Variants in RIMS2 observed in about 807,000 individuals in gnomAD.
RIMS2 encodes the protein regulating synaptic membrane exocytosis protein 2.
Under a neutral mutation model 174.4 loss-of-function variants are expected in RIMS2, and 59 were observed. That is an observed-to-expected ratio of 0.34 (90% CI 0.27 to 0.42). RIMS2 has a LOEUF of 0.42. RIMS2 is among the 10% of genes least tolerant of loss of function. RIMS2 has a pLI of 1.00. For synonymous variants in RIMS2, 606 were observed against 572.5 expected, an observed-to-expected ratio of 1.06 and a Z score of -0.84; for missense variants, 1,620 against 1,666.3, an observed-to-expected ratio of 0.97 and a Z score of 0.48.
At chr8:104,018,257 AG>A in intron 19 of RIMS2, among the ~76,000 whole-genome samples, 1 of 152,306 alleles carries the variant, frequency 6.6e-6, no homozygotes, top group Middle Eastern at 3.4e-3. Flanking sequence ...GAAGAAAAGC[AG>A]GGAGAAGAGG....
At chr8:103,986,338 T>G (rs1420321139) in intron 16 of RIMS2, among the ~76,000 whole-genome samples, 1 of 151,740 alleles carries the variant, frequency 6.6e-6, no homozygotes, top group East Asian at 1.9e-4. Flanking sequence ...TAGGGAAAAA[T>G]CAGTGAAACT....
intron 19 of RIMS2, among the ~76,000 whole-genome samples, chr8:104,051,398 AT>A (rs1193807122): frequency 1.3e-5 from 2 of 152,184 alleles, no homozygotes; most frequent in African/African-American, 2.4e-5. Context: ...TGGGAAGAAC[AT>A]AGTTATAGAT....
intron 19 of RIMS2, among the ~76,000 whole-genome samples, chr8:104,156,035 TTAAAAC>T (rs1483865924): frequency 6.6e-6 from 1 of 152,184 alleles, no homozygotes; most frequent in African/African-American, 2.4e-5. Context: ...TATGACATAA[TTAAAAC>T]TAACTATGAG....
chr8:103,554,019 C>T (rs1331308029), intron 1 of RIMS2, among the ~76,000 whole-genome samples: 2 of 152,054 alleles, frequency 1.3e-5, no homozygotes, highest in African/African-American at 4.8e-5. Flanking sequence ...GAAGCTGGAC[C>T]CCTTCCTTAT....
intron 1 of RIMS2, among the ~76,000 whole-genome samples, chr8:103,601,725 G>A (rs920724777): frequency 6.6e-6 from 1 of 151,552 alleles, no homozygotes; most frequent in Non-Finnish European, 1.5e-5. Context: ...TGTTTAGGGG[G>A]TCTTCTCTTT....
intron 12 of RIMS2, among the ~76,000 whole-genome samples, chr8:103,934,631 T>C (rs2080801198): frequency 6.6e-6 from 1 of 152,180 alleles, no homozygotes; most frequent in Non-Finnish European, 1.5e-5. Flanking sequence ...TGAGAACTTT[T>C]TTCTGTCCTT....
chr8:103,863,644 C>T (rs1196650725), intron 3 of RIMS2, among the ~76,000 whole-genome samples: 1 of 151,078 alleles, frequency 6.6e-6, no homozygotes, highest in Non-Finnish European at 1.5e-5. Flanking sequence ...CTGGTCTGTT[C>T]AGGATTTAAT....
intron 13 of RIMS2, among the ~76,000 whole-genome samples, chr8:103,941,524 G>A (rs2082536681): frequency 1.3e-5 from 2 of 152,014 alleles, no homozygotes; most frequent in Admixed American, 1.3e-4. Context: ...TAACTTGGCT[G>A]TATTGCTTCT....
chr8:103,583,696 A>G (rs976784638), intron 1 of RIMS2, among the ~76,000 whole-genome samples: 2 of 149,728 alleles, frequency 1.3e-5, no homozygotes, highest in African/African-American at 4.8e-5. Flanking sequence ...AAGACAGGCT[A>G]TTTGAAAATA....
At chr8:103,586,284 T>C (rs1370470136) in intron 1 of RIMS2, among the ~76,000 whole-genome samples, 4 of 152,222 alleles carry the variant, frequency 2.6e-5, no homozygotes, top group African/African-American at 9.6e-5. Flanking sequence ...ATCCAATAGC[T>C]GCAGAATACA....
At chr8:103,687,363 G>A (rs1245611586) in intron 1 of RIMS2, among the ~76,000 whole-genome samples, 1 of 143,660 alleles carries the variant, frequency 7.0e-6, no homozygotes, top group Admixed American at 6.8e-5. Context: ...ATCAATTTTA[G>A]TGATTTTTTT....
intron 15 of RIMS2, among the ~76,000 whole-genome samples, chr8:103,970,666 C>A (rs1267853798): frequency 6.6e-6 from 1 of 152,140 alleles, no homozygotes; most frequent in Non-Finnish European, 1.5e-5. Context: ...ACTGCTTTCC[C>A]CTCATAAGTA....
chr8:103,852,057 A>G (rs943594347), intron 3 of RIMS2, among the ~76,000 whole-genome samples: 3 of 152,018 alleles, frequency 2.0e-5, no homozygotes, highest in Admixed American at 6.6e-5. Context: ...AAGACGGGAT[A>G]GACACTAATG....
rs117941717 is a variant in RIMS2 at position 104,018,147 on chromosome 8, A to G, written c.3334+3532A>G. On this transcript the variant is annotated intron_variant, in intron 19 of 23. Coordinates refer to ENST00000504942, the Ensembl canonical transcript of RIMS2. ...TTTGTTATTTGTTTAGTTTCATTGA[A>G]GAGTAACAGATATACCTATTTGGTC... is the stretch of plus-strand genomic sequence containing the variant. 4.3e-3 allele frequency among the ~76,000 whole-genome samples: 662 copies of G among 152,344 alleles called. 3 individuals are homozygous for G. The highest frequency in any genetic ancestry group is 0.01 in the Middle Eastern group (3 of 294).
At chr8:103,544,711 C>T (rs1198208807) in intron 1 of RIMS2, among the ~76,000 whole-genome samples, 1 of 152,168 alleles carries the variant, frequency 6.6e-6, no homozygotes, top group African/African-American at 2.4e-5. Context: ...GTGGCCCCTG[C>T]CTGAGGGAGC....
intron 19 of RIMS2, among the ~76,000 whole-genome samples, chr8:104,191,805 A>G (rs1311053741): frequency 6.6e-6 from 1 of 152,194 alleles, no homozygotes; most frequent in Non-Finnish European, 1.5e-5. Context: ...GGGTCTCACT[A>G]TGTTGGCTAG....
intron 19 of RIMS2, among the ~76,000 whole-genome samples, chr8:104,062,986 A>T (rs1481765744): frequency 6.6e-6 from 1 of 152,054 alleles, no homozygotes; most frequent in African/African-American, 2.4e-5. Flanking sequence ...GAAAAGCCTC[A>T]GATAATATTT....
intron 19 of RIMS2, among the ~76,000 whole-genome samples, chr8:104,153,808 A>G (rs971884865): frequency 1.3e-5 from 2 of 152,222 alleles, no homozygotes; most frequent in Non-Finnish European, 2.9e-5. Flanking sequence ...AAACAAAAAA[A>G]GGATATCTTA....
chr8:103,581,034 G>A (rs545365264), intron 1 of RIMS2, among the ~76,000 whole-genome samples: 2 of 151,660 alleles, frequency 1.3e-5, no homozygotes, highest in Non-Finnish European at 2.9e-5. Context: ...GTTTTGCTGT[G>A]GTCTCGATCT....
Sources: gnomAD v4.1 joint callset for allele counts (sites outside exome capture counted in the v4.1 genomes callset) on GRCh38, gnomAD v4.1.1 for gene constraint, MANE v1.5 for transcripts, NCBI Gene and HGNC (gene_info 2026-07-23, HGNC 2026-07-21) for gene names.